The following PARN variants were observed in gnomAD, a reference collection of about 807,000 sequenced individuals.
PARN encodes the protein poly(A)-specific ribonuclease PARN.
Under a neutral mutation model 102.8 loss-of-function variants are expected in PARN, and 71 were observed. The observed-to-expected ratio is 0.69, with a 90% CI of 0.57 to 0.84. PARN has a LOEUF of 0.84. Among genes scored for constraint, PARN ranks in the 40% least tolerant of loss-of-function variants. PARN has a pLI of 0.00. For missense variants in PARN, 782 were observed against 760.9 expected, an observed-to-expected ratio of 1.03 and a Z score of -0.33; for synonymous variants, 261 against 252.9, an observed-to-expected ratio of 1.03 and a Z score of -0.30.
intron 23 of PARN, 38 bp from the exon 24 acceptor site, chr16:14,436,810 C>G: frequency 6.8e-7 from 1 of 1,468,440 alleles, no homozygotes; most frequent in Non-Finnish European, 9.4e-7. Context: ...ACAGCAGGAC[C>G]AGGACGGCAC....
At chr16:14,479,472 C>T (rs1007932663) in intron 22 of PARN, among the ~76,000 whole-genome samples, 16 of 149,372 alleles carry the variant, frequency 1.1e-4, no homozygotes, top group Admixed American at 5.4e-4. Flanking sequence ...TATACAAGAT[C>T]GCCACAGTAA....
chr16:14,625,481 G>A (rs1178927744), intron 5 of PARN, among the ~76,000 whole-genome samples: 1 of 152,054 alleles, frequency 6.6e-6, no homozygotes, highest in Non-Finnish European at 1.5e-5. Flanking sequence ...TGGACAAGAA[G>A]AGCGAAACTT....
rs1043572837 is a variant in PARN at position 14,600,742 on chromosome 16, C to T, written c.784-782G>A. On this transcript the variant is annotated intron_variant, in intron 11 of 23. Coordinates refer to ENST00000437198, the MANE Select transcript of PARN (RefSeq NM_002582.4). ...GGTCGGGAGTTCGAGACCAGCCTGACCAACATGGTGAAACCCTGTCTCTAC... is the reference window on the plus strand; with the variant it reads ...GGTCGGGAGTTCGAGACCAGCCTGATCAACATGGTGAAACCCTGTCTCTAC... 2.0e-5 allele frequency among the ~76,000 whole-genome samples: 3 copies of T among 152,090 alleles called. No homozygotes were observed. The South Asian group carries it at 6.2e-4, about 32-fold the overall frequency.
chr16:14,542,577 A>C (rs1966848395), intron 21 of PARN, among the ~76,000 whole-genome samples: 4 of 152,086 alleles, frequency 2.6e-5, no homozygotes, highest in Admixed American at 2.6e-4. Flanking sequence ...TAAAAAAAAA[A>C]AGAAAAGAAA....
chr16:14,525,313 G>A (rs1208781976), intron 21 of PARN, among the ~76,000 whole-genome samples: 1 of 152,214 alleles, frequency 6.6e-6, no homozygotes, highest in Non-Finnish European at 1.5e-5. Flanking sequence ...CTAGTTTGAA[G>A]TTGTCCAAGA....
intron 21 of PARN, among the ~76,000 whole-genome samples, chr16:14,539,009 C>G (rs1966737988): frequency 6.6e-6 from 1 of 152,168 alleles, no homozygotes. Flanking sequence ...TGCAGGAAAA[C>G]AAGGTCAGGG....
At chr16:14,459,646 T>G (rs553271185) in intron 22 of PARN, among the ~76,000 whole-genome samples, 4 of 152,218 alleles carry the variant, frequency 2.6e-5, no homozygotes, top group African/African-American at 9.6e-5. Context: ...GCAGACTTTT[T>G]GTAGAAACTG....
At chr16:14,599,002 T>C (rs987189415) in intron 12 of PARN, among the ~76,000 whole-genome samples, 2 of 151,676 alleles carry the variant, frequency 1.3e-5, no homozygotes, top group African/African-American at 2.4e-5. Flanking sequence ...AGTTTACCTA[T>C]GTAAAATGCG....
intron 22 of PARN, among the ~76,000 whole-genome samples, chr16:14,463,661 A>T (rs1319511972): frequency 2.6e-5 from 4 of 152,204 alleles, no homozygotes; most frequent in African/African-American, 9.6e-5. Flanking sequence ...ACTATCCAAA[A>T]TAAAACACAG....
At chr16:14,467,483 G>A (rs1962430346) in intron 22 of PARN, among the ~76,000 whole-genome samples, 1 of 152,206 alleles carries the variant, frequency 6.6e-6, no homozygotes, top group South Asian at 2.1e-4. Flanking sequence ...TTACGAAGAT[G>A]AACCAATGTA....
intron 22 of PARN, among the ~76,000 whole-genome samples, chr16:14,457,948 G>GA (rs942344616): frequency 6.6e-6 from 1 of 151,282 alleles, no homozygotes; most frequent in African/African-American, 2.4e-5. Flanking sequence ...GTGTGTGTGT[G>GA]AGAGAGAGAG....
chr16:14,614,046 C>G (rs1228575026), intron 6 of PARN, among the ~76,000 whole-genome samples: 1 of 152,012 alleles, frequency 6.6e-6, no homozygotes, highest in Non-Finnish European at 1.5e-5. Flanking sequence ...GCAGGAATAC[C>G]AGGAGTTTGA....
chr16:14,475,907 T>C (rs1195699372), intron 22 of PARN, among the ~76,000 whole-genome samples: 1 of 152,220 alleles, frequency 6.6e-6, no homozygotes, highest in Non-Finnish European at 1.5e-5. Context: ...AAAGCACTAA[T>C]GTATCCATGG....
Position 14,630,256 on chromosome 16 carries a change from G to A in PARN, c.-131C>T, listed in dbSNP as rs905708237. On this transcript the variant is annotated 5_prime_UTR_variant, in exon 1 of 24. Coordinates refer to ENST00000437198, the MANE Select transcript of PARN (RefSeq NM_002582.4). Reference sequence around the variant, plus strand: ...GCGGTGACGCCGGCCGCGACTTCCGGAAACAGCGCGCGCCTGCTGCGCTTG... The same window carrying A: ...GCGGTGACGCCGGCCGCGACTTCCGAAAACAGCGCGCGCCTGCTGCGCTTG... 1.0e-5 allele frequency: 8 copies of A among 778,088 alleles called. No individual in the cohort carries two copies. The highest frequency in any genetic ancestry group is 3.5e-4 in the Middle Eastern group (1 of 2,834). 48.2% of individuals were successfully genotyped at this position (778,088 alleles called of 1,614,324 possible).
chr16:14,608,304 T>G lies in PARN; in HGVS notation c.636A>C (p.Leu212=). The change falls in exon 9 of 24, where the codon CTA becomes CTC. Residue 212 remains leucine (L), a synonymous_variant. Coordinates refer to ENST00000437198, the MANE Select transcript of PARN (RefSeq NM_002582.4). Reference sequence around the variant, plus strand: ...ACTTCCAGCTCAAAGTCTGATAAATTAGTTTTCTTTGGAACCTATAAAAAC... The same window carrying G: ...ACTTCCAGCTCAAAGTCTGATAAATGAGTTTTCTTTGGAACCTATAAAAAC... ...LEPCTGFQRK[L]IYQTLSWKYP... is the part of the protein sequence containing the mutation. The G allele has an allele frequency of 6.5e-7, 1 of 1,540,834 alleles. No homozygotes were observed. The highest frequency in any genetic ancestry group is 8.8e-7 in the Non-Finnish European group (1 of 1,138,838).
At chr16:14,442,432 A>C (rs1960983328) in intron 23 of PARN, among the ~76,000 whole-genome samples, 1 of 152,208 alleles carries the variant, frequency 6.6e-6, no homozygotes, top group Non-Finnish European at 1.5e-5. Context: ...ACTACCAATC[A>C]ACAGTCATAT....
intron 5 of PARN, among the ~76,000 whole-genome samples, chr16:14,622,370 T>A (rs548618092): frequency 6.6e-6 from 1 of 152,208 alleles, no homozygotes; most frequent in African/African-American, 2.4e-5. Context: ...ATGTTGACTA[T>A]AGAATTGCTG....
Position 14,586,309 on chromosome 16 carries a change from A to T in PARN, c.962+9T>A. 6.5e-7 allele frequency: 1 copy of T among 1,530,678 alleles called. No homozygotes were observed. Among genetic ancestry groups the T allele is most frequent in the Non-Finnish European group, 8.9e-7 (1 of 1,124,706 alleles). 94.8% of individuals were successfully genotyped at this position (1,530,678 alleles called of 1,614,324 possible). The stretch of plus-strand genomic sequence containing the variant: ...TTAAAAGAAAGACAAATCCTCAAAG[A>T]AAGCTTACCTGGGGAAAACACATGT... On this transcript the variant is annotated intron_variant, in intron 14 of 23. Coordinates refer to ENST00000437198, the MANE Select transcript of PARN (RefSeq NM_002582.4).
chr16:14,532,824 C>T (rs1315543542), intron 21 of PARN, among the ~76,000 whole-genome samples: 1 of 151,232 alleles, frequency 6.6e-6, no homozygotes, highest in Non-Finnish European at 1.5e-5. Context: ...CCCCCACCTC[C>T]CTCCCGGACG....
Sources: allele counts gnomAD v4.1 joint callset (sites outside exome capture counted in the v4.1 genomes callset), GRCh38; gene constraint gnomAD v4.1.1; transcripts MANE v1.5; gene names NCBI Gene and HGNC (gene_info 2026-07-23, HGNC 2026-07-21).